CCSER1: variants seen among roughly 807,000 people sequenced by gnomAD.
CCSER1 encodes coiled-coil serine rich protein 1, also known as serine-rich coiled-coil domain-containing protein 1.
CCSER1 carries 41 observed loss-of-function variants against 82.0 expected under a neutral mutation model. The ratio of observed to expected loss-of-function variants is 0.50; its 90% CI spans 0.39 to 0.65. The LOEUF (loss-of-function observed/expected upper bound fraction) is 0.65. Ranked by LOEUF, CCSER1 falls within the 30% of genes least tolerant of loss-of-function variation. The probability of loss-of-function intolerance (pLI) is 0.00; values close to 1 mark genes in which losing one functional copy is unlikely to be tolerated. For synonymous variants in CCSER1, 414 were observed against 383.9 expected, an observed-to-expected ratio of 1.08 and a Z score of -0.92; for missense variants, 1,119 against 1,064.2, an observed-to-expected ratio of 1.05 and a Z score of -0.72.
intron 10 of CCSER1, among the ~76,000 whole-genome samples, chr4:91,257,425 G>A (rs961718876): frequency 1.9e-4 from 28 of 151,094 alleles, no homozygotes; most frequent in South Asian, 4.2e-4. Flanking sequence ...TTTGACTTGC[G>A]TACTCTGTTT....
intron 9 of CCSER1, among the ~76,000 whole-genome samples, chr4:91,084,934 TG>T (rs1037209826): frequency 2.0e-4 from 30 of 151,904 alleles, no homozygotes; most frequent in African/African-American, 6.5e-4. Context: ...TGTAGCCAAA[TG>T]AAAAAAAAGT....
intron 10 of CCSER1, 26 bp from the exon 11 acceptor site, chr4:91,598,546 C>CT: frequency 6.6e-7 from 1 of 1,518,390 alleles, no homozygotes; most frequent in Admixed American, 2.3e-5. Flanking sequence ...TTTAAGACAT[C>CT]TTTTTCTTTC....
At chr4:91,561,003 A>C (rs1041542444) in intron 10 of CCSER1, among the ~76,000 whole-genome samples, 1 of 151,410 alleles carries the variant, frequency 6.6e-6, no homozygotes, top group Non-Finnish European at 1.5e-5. Context: ...AAGTAAAACT[A>C]TATGAAAAAC....
intron 7 of CCSER1, among the ~76,000 whole-genome samples, chr4:90,747,954 C>T (rs1439700099): frequency 1.3e-5 from 2 of 151,578 alleles, no homozygotes; most frequent in African/African-American, 4.8e-5. Flanking sequence ...TTTCCAATTT[C>T]ATCCATGTAC....
chr4:90,534,161 G>T (rs1043115079), intron 5 of CCSER1, among the ~76,000 whole-genome samples: 2 of 152,146 alleles, frequency 1.3e-5, no homozygotes, highest in Admixed American at 6.5e-5. Flanking sequence ...ACACAGTCTC[G>T]CTCTGTTGCC....
intron 10 of CCSER1, among the ~76,000 whole-genome samples, chr4:91,556,465 C>T (rs1016940403): frequency 6.6e-6 from 1 of 150,470 alleles, no homozygotes; most frequent in African/African-American, 2.4e-5. Context: ...GCAGCACACC[C>T]ACATGGCACA....
intron 10 of CCSER1, 121 bp downstream of exon 10, chr4:91,086,115 A>T (rs1723369795): frequency 1.5e-6 from 1 of 664,844 alleles, no homozygotes; most frequent in Non-Finnish European, 2.7e-6. Flanking sequence ...TGCATTGAAG[A>T]GAATGTTGTC....
At chr4:91,086,017 G>C in intron 10 of CCSER1, 23 bp downstream of exon 10, 2 of 1,437,556 alleles carry the variant, frequency 1.4e-6, no homozygotes, top group Non-Finnish European at 1.9e-6. Context: ...AAAGAAGAGG[G>C]GTGGGAAAAA....
intron 7 of CCSER1, among the ~76,000 whole-genome samples, chr4:90,729,837 C>T (rs1451297874): frequency 6.6e-6 from 1 of 152,024 alleles, no homozygotes; most frequent in African/African-American, 2.4e-5. Context: ...GATAGCACCA[C>T]TGCACTCCAG....
At chr4:91,358,139 T>C (rs1033988323) in intron 10 of CCSER1, among the ~76,000 whole-genome samples, 1 of 152,028 alleles carries the variant, frequency 6.6e-6, no homozygotes, top group Non-Finnish European at 1.5e-5. Context: ...TGCTGGTCTT[T>C]CCTTTTCTCT....
chr4:91,183,428 G>T (rs888892971), intron 10 of CCSER1, among the ~76,000 whole-genome samples: 2 of 152,106 alleles, frequency 1.3e-5, no homozygotes, highest in African/African-American at 2.4e-5. Flanking sequence ...AGTTATTTTA[G>T]GGAGAATCCA....
chr4:90,249,708 T>C (rs949402009), intron 1 of CCSER1, among the ~76,000 whole-genome samples: 2 of 152,204 alleles, frequency 1.3e-5, no homozygotes, highest in African/African-American at 4.8e-5. Flanking sequence ...TTCCATTGTA[T>C]GGATCTACCA....
At chr4:90,954,151 A>T (rs1011618470) in intron 9 of CCSER1, among the ~76,000 whole-genome samples, 2 of 152,032 alleles carry the variant, frequency 1.3e-5, no homozygotes, top group Non-Finnish European at 2.9e-5. Context: ...AAGCAAATAC[A>T]TTCTACAGTA....
rs1358270662 is a variant in CCSER1, at chr4:91,424,596, T to C, written c.2218-173976T>C. 3.3e-5 allele frequency among the ~76,000 whole-genome samples: 5 copies of C among 152,172 alleles called. No homozygotes were observed. The East Asian group carries it at 9.6e-4, about 29-fold the overall frequency. ...TGCCTCAATGTTCTCATCAGTAACA[T>C]AACAGTTTCTATCTCATAGGATTAT... On this transcript the variant is annotated intron_variant, in intron 10 of 10. Transcript: ENST00000509176.
chr4:90,748,038 C>CT (rs397972944), intron 7 of CCSER1, among the ~76,000 whole-genome samples: 28,130 of 141,204 alleles, frequency 0.2, 3,121 homozygotes, highest in Middle Eastern at 0.3. Flanking sequence ...ACATTTTCTT[C>CT]TTTTTTTTTT....
At chr4:91,018,000 T>G (rs1015644963) in intron 9 of CCSER1, among the ~76,000 whole-genome samples, 3 of 152,090 alleles carry the variant, frequency 2.0e-5, no homozygotes, top group African/African-American at 7.2e-5. Context: ...TTATGGTGAT[T>G]TGATTCTGAA....
chr4:91,175,643 A>G (rs1666043156), intron 10 of CCSER1, among the ~76,000 whole-genome samples: 2 of 152,084 alleles, frequency 1.3e-5, no homozygotes, highest in African/African-American at 4.8e-5. Context: ...GTCTGTTCAT[A>G]TCCTTTGCCT....
intron 5 of CCSER1, among the ~76,000 whole-genome samples, chr4:90,500,400 C>A (rs1239141580): frequency 6.6e-6 from 1 of 151,926 alleles, no homozygotes; most frequent in Admixed American, 6.6e-5. Flanking sequence ...GGTACAATCA[C>A]AGCTCACTGC....
At chr4:91,351,650 A>G (rs776682844) in intron 10 of CCSER1, among the ~76,000 whole-genome samples, 2 of 152,098 alleles carry the variant, frequency 1.3e-5, no homozygotes, top group Non-Finnish European at 2.9e-5. Flanking sequence ...CCTGTGGATC[A>G]TTTTAGATAT....
Sources: allele counts gnomAD v4.1 joint callset (sites outside exome capture counted in the v4.1 genomes callset), GRCh38; gene constraint gnomAD v4.1.1; transcripts MANE v1.5; gene names NCBI Gene and HGNC (gene_info 2026-07-23, HGNC 2026-07-21).